Variants in PTCH1 observed in about 807,000 individuals in gnomAD.
PTCH1 encodes the protein protein patched homolog 1.
A neutral mutation model predicts 144.6 loss-of-function variants in PTCH1; 14 were observed. The observed-to-expected ratio is 0.10, with a 90% CI of 0.06 to 0.15. The LOEUF (loss-of-function observed/expected upper bound fraction) is 0.15. PTCH1 is among the 10% of genes least tolerant of loss of function. The pLI is 1.00. For synonymous variants in PTCH1, 833 were observed against 793.6 expected, an observed-to-expected ratio of 1.05 and a Z score of -0.83; for missense variants, 1,623 against 1,948.3, an observed-to-expected ratio of 0.83 and a Z score of 3.14.
At chr9:95,486,102 G>C (rs1841946260) in intron 2 of PTCH1, among the ~76,000 whole-genome samples, 2 of 152,300 alleles carry the variant, frequency 1.3e-5, no homozygotes, top group South Asian at 4.2e-4. Context: ...GCCTGTCACA[G>C]ACACAAACCT....
upstream of PTCH1, among the ~76,000 whole-genome samples, chr9:95,511,118 G>A (rs941456700): frequency 6.7e-6 from 1 of 149,726 alleles, no homozygotes; most frequent in African/African-American, 2.4e-5. Context: ...TGCCCATTCA[G>A]CGGCCCCGCG....
rs886509071 is a variant in PTCH1 at position 95,476,186 on chromosome 9, G to C, written c.1603-27C>G. On this transcript the variant is annotated intron_variant, in intron 11 of 23. Coordinates refer to ENST00000331920, the MANE Select transcript of PTCH1 (RefSeq NM_000264.5). This position sits in a 1 kb window ranked among gnomAD's most constrained non-coding sequence, Gnocchi z 4.6. ...TGGGAATAAAAAAACACAGCGCTGA[G>C]AGCTGCACTGGACATGGTCCCCTTG... The C allele has an allele frequency of 3.7e-5, 59 of 1,603,138 alleles. No individual in the cohort carries two copies. The highest frequency in any genetic ancestry group is 4.8e-5 in the Non-Finnish European group (56 of 1,175,830).
rs1422694536 is a variant in PTCH1 at position 95,508,248 on chromosome 9, C to G, written c.114G>C (p.Gly38=). The part of the protein sequence containing the change: ...AGGGRRRRTG[G]LRRAAAPDRD... ...GGTCCGGCGCGGCAGCACGGCGCAG[C>G]CCCCCCGTCCGTCTGCGCCTCCCGC... The change falls in exon 1 of 24, where the codon GGG becomes GGC. Residue 38 remains glycine (G), a synonymous_variant. Coordinates refer to ENST00000331920, the MANE Select transcript of PTCH1 (RefSeq NM_000264.5). 1 of 1,601,578 alleles carries G rather than the reference C, an allele frequency of 6.2e-7. No individual in the cohort carries two copies. Among genetic ancestry groups the G allele is most frequent in the South Asian group, 1.1e-5 (1 of 90,270 alleles).
intron 18 of PTCH1, 59 bp from the exon 19 acceptor site, chr9:95,456,472 A>G: frequency 1.3e-6 from 2 of 1,597,384 alleles, no homozygotes; most frequent in Middle Eastern, 1.7e-4. Context: ...GGCTGCCCAC[A>G]AGGGAGGTCG....
rs1214290591 is a variant in PTCH1, at chr9:95,445,175, T to C, written c.*1218A>G. 1 of 152,144 alleles carries C rather than the reference T, an allele frequency of 6.6e-6. No homozygotes were observed. Among genetic ancestry groups the C allele is most frequent in the African/African-American group, 2.4e-5 (1 of 41,404 alleles). The allele number at this position is 152,144 out of a possible 1,614,324, so 9.4% of individuals were successfully genotyped here. On this transcript the variant is annotated 3_prime_UTR_variant, in exon 24 of 24. Transcript: ENST00000331920. ...GAAAGCCTCAACCAGCTGCTCCATT[T>C]AAGAGAGGGAGTTTAAACTATAGGG...
Position 95,479,253 on chromosome 9 carries a change from T to A in PTCH1, c.1068-106A>T, listed in dbSNP as rs1307786732. 4.9e-6 allele frequency: 7 copies of A among 1,427,858 alleles called. No individual in the cohort carries two copies. The Admixed American group carries it at 1.2e-4, about 24-fold the overall frequency. 88.4% of individuals were successfully genotyped at this position (1,427,858 alleles called of 1,614,324 possible). On this transcript the variant is annotated intron_variant, in intron 7 of 23. Transcript: ENST00000331920. ...CCCCAACTCACTGGCTGCAATTCTTTTCCTTCTCTGTGAGCACATGTTTCC... is the reference window on the plus strand; with the variant it reads ...CCCCAACTCACTGGCTGCAATTCTTATCCTTCTCTGTGAGCACATGTTTCC...
Position 95,476,513 on chromosome 9 carries a change from T to C in PTCH1, c.1602+246A>G, listed in dbSNP as rs904485143. Among the ~76,000 whole-genome samples the C allele has an allele frequency of 2.0e-5, 3 of 152,028 alleles. No individual in the cohort carries two copies. The highest frequency in any genetic ancestry group is 4.4e-5 in the Non-Finnish European group (3 of 68,002). On this transcript the variant is annotated intron_variant, in intron 11 of 23. Coordinates refer to ENST00000331920, the MANE Select transcript of PTCH1 (RefSeq NM_000264.5). The surrounding 1 kb of genome is among the most constrained non-coding windows in gnomAD (Gnocchi z 4.6). ...GAATGTATGGCAGTTAGGGATAAAG[T>C]GTCACATTAAAACAAACACCCGTAT...
intron 2 of PTCH1, among the ~76,000 whole-genome samples, chr9:95,501,570 G>A (rs535723226): frequency 6.7e-6 from 1 of 150,152 alleles, no homozygotes; most frequent in Admixed American, 6.6e-5. Flanking sequence ...GTCACAACTT[G>A]CCTCCTTCTT....
intron 2 of PTCH1, among the ~76,000 whole-genome samples, chr9:95,505,316 C>G (rs1361635108): frequency 2.6e-5 from 4 of 152,278 alleles, no homozygotes; most frequent in Admixed American, 2.0e-4. Flanking sequence ...AATTATCTAC[C>G]TAGTCACCTC....
intron 2 of PTCH1, 59 bp downstream of exon 2, chr9:95,506,344 ATCTC>A (rs1329802200): frequency 1.3e-6 from 2 of 1,549,930 alleles, no homozygotes; most frequent in South Asian, 1.1e-5. Context: ...GCTGGCGAAT[ATCTC>A]TATCAACCGC....
intron 14 of PTCH1, 149 bp from the exon 15 acceptor site, chr9:95,467,574 TA>T: frequency 1.3e-6 from 1 of 797,522 alleles, no homozygotes; most frequent in South Asian, 1.6e-5. Context: ...GGAAAAAGGA[TA>T]AAATCATAGT....
At chr9:95,455,874 C>T (rs1838873013) in intron 19 of PTCH1, among the ~76,000 whole-genome samples, 2 of 152,168 alleles carry the variant, frequency 1.3e-5, no homozygotes, top group East Asian at 1.9e-4. Flanking sequence ...TCATTTTATC[C>T]CCACTGTTCC....
chr9:95,506,391 C>T lies in PTCH1; in HGVS notation c.394+16G>A, dbSNP rs2118872339. On this transcript the variant is annotated intron_variant, in intron 2 of 23. Coordinates refer to ENST00000331920, the MANE Select transcript of PTCH1 (RefSeq NM_000264.5). ...GACCGGGCCGGGGGCGCGGGCGCCG[C>T]GGCGGGCGCTCTTACCTTCCACCCA... The T allele has an allele frequency of 6.2e-7, 1 of 1,607,300 alleles. No individual in the cohort carries two copies. The highest frequency in any genetic ancestry group is 8.5e-7 in the Non-Finnish European group (1 of 1,177,644).
chr9:95,456,832 T>A (rs1391682701), intron 18 of PTCH1, among the ~76,000 whole-genome samples: 3 of 152,114 alleles, frequency 2.0e-5, no homozygotes, highest in Non-Finnish European at 2.9e-5. Flanking sequence ...CGTGAACCCA[T>A]CATTAAGTTT....
intron 20 of PTCH1, 88 bp from the exon 21 acceptor site, chr9:95,450,028 G>C: frequency 8.3e-7 from 1 of 1,209,610 alleles, no homozygotes; most frequent in Non-Finnish European, 1.2e-6. Flanking sequence ...GCATGGCAAC[G>C]CCAGAAATGA....
chr9:95,453,745 G>T, intron 19 of PTCH1, 125 bp from the exon 20 acceptor site: 1 of 1,289,222 alleles, frequency 7.8e-7, no homozygotes. Flanking sequence ...GCTAGAATGT[G>T]TAATCAGAGT....
chr9:95,502,884 C>T (rs1323629060), intron 2 of PTCH1, among the ~76,000 whole-genome samples: 2 of 152,146 alleles, frequency 1.3e-5, no homozygotes, highest in Non-Finnish European at 1.5e-5. Context: ...CACAGCCTTT[C>T]GAGTGGATCC....
At chr9:95,507,788 G>A (rs559049468) in intron 1 of PTCH1, 112 of 348,910 alleles carry the variant, frequency 3.2e-4, no homozygotes, top group African/African-American at 2.4e-3. Flanking sequence ...GGCGCAGGAG[G>A]AAGAAGTTCA....
chr9:95,448,799 A>G (rs538186309), intron 22 of PTCH1, among the ~76,000 whole-genome samples: 1 of 151,796 alleles, frequency 6.6e-6, no homozygotes, highest in East Asian at 1.9e-4. Flanking sequence ...CACCCTGAAC[A>G]AGATAGATGC....
Sources: gnomAD v4.1 joint callset for allele counts (sites outside exome capture counted in the v4.1 genomes callset) on GRCh38, gnomAD v4.1.1 for gene constraint, Gnocchi (gnomAD v3.1) non-coding constraint, MANE v1.5 for transcripts, NCBI Gene and HGNC (gene_info 2026-07-23, HGNC 2026-07-21) for gene names.